The following ATP11B variants were observed in gnomAD, a reference collection of about 807,000 sequenced individuals.
ATP11B encodes phospholipid-transporting ATPase IF.
A neutral mutation model predicts 157.8 loss-of-function variants in ATP11B; 81 were observed. The observed-to-expected ratio is 0.51, with a 90% confidence interval of 0.43 to 0.62. The LOEUF is 0.62. Ranked by LOEUF, ATP11B falls within the 20% of genes least tolerant of loss-of-function variation. The pLI, the probability that ATP11B is intolerant of heterozygous loss-of-function variation, is 0.00. For synonymous variants in ATP11B, 451 were observed against 469.4 expected, an observed-to-expected ratio of 0.96 and a Z score of 0.51; for missense variants, 1,165 against 1,402.2, an observed-to-expected ratio of 0.83 and a Z score of 2.70.
chr3:182,818,175 G>A (rs140410667), intron 1 of ATP11B, among the ~76,000 whole-genome samples: 20 of 152,324 alleles, frequency 1.3e-4, no homozygotes, highest in African/African-American at 4.3e-4. Flanking sequence ...TAACATGTTT[G>A]TGGAGTGGAT....
At chr3:182,850,581 A>AT (rs1318845095) in intron 10 of ATP11B, among the ~76,000 whole-genome samples, 1 of 152,200 alleles carries the variant, frequency 6.6e-6, no homozygotes, top group African/African-American at 2.4e-5. Flanking sequence ...AAATAAATAA[A>AT]TAACAGATGC....
chr3:182,913,015 T>G (rs953159586), intron 28 of ATP11B, among the ~76,000 whole-genome samples: 4 of 152,230 alleles, frequency 2.6e-5, no homozygotes, highest in African/African-American at 9.6e-5. Context: ...CCCCTCATTT[T>G]TACTCAGTTA....
intron 1 of ATP11B, among the ~76,000 whole-genome samples, chr3:182,807,819 A>G (rs1337188202): frequency 6.6e-6 from 1 of 152,140 alleles, no homozygotes; most frequent in Non-Finnish European, 1.5e-5. Flanking sequence ...GCTTTTTTTA[A>G]AAATGAAGTT....
Position 182,901,340 on chromosome 3 carries a change from C to CAA in ATP11B, c.3318+2580_3318+2581dup, listed in dbSNP as rs1226647966. On this transcript the variant is annotated intron_variant, in intron 28 of 29. Transcript: ENST00000323116. ...GGCGACAAAGTGAGACTCCGTCTCA[C>CAA]AAAAAAAAAAAAACAAAAAAAAAAC... Among the ~76,000 whole-genome samples the CAA allele has an allele frequency of 7.8e-3, 377 of 48,582 alleles. 4 individuals are homozygous for CAA. Among genetic ancestry groups the CAA allele is most frequent in the East Asian group, 0.023 (39 of 1,674 alleles). 31.9% of individuals were successfully genotyped at this position (48,582 alleles called of 152,430 possible). A position where few individuals can be genotyped will look rare whatever the true frequency, so the allele number is the denominator to read the frequency against.
At chr3:182,905,817 C>T in intron 28 of ATP11B, 1 of 456,734 alleles carries the variant, frequency 2.2e-6, no homozygotes, top group Non-Finnish European at 4.4e-6. Flanking sequence ...AGGGTTCAGT[C>T]AGCTCAGCAT....
At chr3:182,861,177 T>C (rs915550188) in intron 12 of ATP11B, among the ~76,000 whole-genome samples, 5 of 151,784 alleles carry the variant, frequency 3.3e-5, no homozygotes, top group Admixed American at 3.3e-4. Context: ...GCAATTCTTC[T>C]ACCTCAGCCT....
At chr3:182,872,650 G>T (rs1350237895) in intron 18 of ATP11B, 113 bp downstream of exon 18, 4 of 970,256 alleles carry the variant, frequency 4.1e-6, no homozygotes, top group Non-Finnish European at 5.9e-6. Context: ...ATATATTTAA[G>T]ATCAAAGTAG....
chr3:182,819,561 G>C (rs1200174427), intron 1 of ATP11B, among the ~76,000 whole-genome samples: 1 of 152,096 alleles, frequency 6.6e-6, no homozygotes, highest in East Asian at 1.9e-4. Flanking sequence ...CTCAATCTGA[G>C]GTCAGGATAT....
intron 28 of ATP11B, chr3:182,905,643 G>A (rs1198994880): frequency 1.1e-5 from 4 of 373,576 alleles, no homozygotes; most frequent in Non-Finnish European, 2.2e-5. Context: ...GTTCCCATTA[G>A]CCCTCTTTTG....
At chr3:182,814,037 T>A (rs1716826671) in intron 1 of ATP11B, among the ~76,000 whole-genome samples, 1 of 152,030 alleles carries the variant, frequency 6.6e-6, no homozygotes, top group African/African-American at 2.4e-5. Flanking sequence ...ACATTTATTT[T>A]TAGTGATATT....
At chr3:182,854,610 T>C (rs1321419135) in intron 10 of ATP11B, among the ~76,000 whole-genome samples, 1 of 152,180 alleles carries the variant, frequency 6.6e-6, no homozygotes, top group East Asian at 1.9e-4. Context: ...TTACACTTTC[T>C]CAAAACTAAA....
chr3:182,851,546 G>T (rs944594772), intron 10 of ATP11B, among the ~76,000 whole-genome samples: 1 of 152,060 alleles, frequency 6.6e-6, no homozygotes, highest in African/African-American at 2.4e-5. Context: ...TAAATGAACT[G>T]TTACAAAGGT....
intron 23 of ATP11B, 121 bp downstream of exon 23, chr3:182,886,131 A>G (rs1043465117): frequency 1.3e-5 from 7 of 541,652 alleles, no homozygotes; most frequent in Admixed American, 7.7e-5. Context: ...AGGGAACCAG[A>G]CAGAACTTTT....
intron 12 of ATP11B, 145 bp downstream of exon 12, chr3:182,859,504 T>TAA: frequency 1.8e-6 from 1 of 556,346 alleles, no homozygotes; most frequent in South Asian, 4.3e-5. Flanking sequence ...TCCCAATTTT[T>TAA]AAACCCTAAG....
intron 4 of ATP11B, among the ~76,000 whole-genome samples, chr3:182,831,294 C>T (rs1284345398): frequency 6.6e-6 from 1 of 152,144 alleles, no homozygotes; most frequent in Non-Finnish European, 1.5e-5. Flanking sequence ...TGTTTTATCC[C>T]TACCTTCAAG....
At chr3:182,793,832 G>C in intron 1 of ATP11B, 46 bp downstream of exon 1, 1 of 1,236,052 alleles carries the variant, frequency 8.1e-7, no homozygotes, top group East Asian at 3.4e-5. Flanking sequence ...CCCCCGCGGG[G>C]CCTCTCGGCC....
At chr3:182,816,741 C>T (rs1716989810) in intron 1 of ATP11B, among the ~76,000 whole-genome samples, 1 of 152,152 alleles carries the variant, frequency 6.6e-6, no homozygotes, top group Non-Finnish European at 1.5e-5. Flanking sequence ...GCTCATGAAA[C>T]CTATGTATAC....
In ATP11B at chr3:182,868,424, A is replaced by C. The variant is rs116904991; in HGVS notation, c.1689-654A>C. ...TTATCAACTTATAAACCATTATTCA[A>C]CTCACTGTTTTTCTTGGAGATGTGT... On this transcript the variant is annotated intron_variant, in intron 15 of 29. Coordinates refer to ENST00000323116, the MANE Select transcript of ATP11B (RefSeq NM_014616.3). 4.6e-5 allele frequency among the ~76,000 whole-genome samples: 7 copies of C among 150,962 alleles called. No individual in the cohort carries two copies. In the East Asian group the frequency reaches 1.4e-3, roughly 29 times the overall value.
intron 2 of ATP11B, among the ~76,000 whole-genome samples, chr3:182,821,546 G>GTATTTTTAAGTTGT (rs1717347019): frequency 6.6e-6 from 1 of 151,998 alleles, no homozygotes; most frequent in Non-Finnish European, 1.5e-5. Flanking sequence ...TTTTCCTGTG[G>GTATTTTTAAGTTGT]CATTTTTAAG....
Sources: allele counts gnomAD v4.1 joint callset (sites outside exome capture counted in the v4.1 genomes callset), GRCh38; gene constraint gnomAD v4.1.1; transcripts MANE v1.5; gene names NCBI Gene and HGNC (gene_info 2026-07-23, HGNC 2026-07-21).